Variants in MIGA1 observed in about 807,000 individuals in gnomAD.
MIGA1 encodes mitoguardin 1, also known as family with sequence similarity 73, member A.
A neutral mutation model predicts 82.0 loss-of-function variants in MIGA1; 58 were observed. That is an observed-to-expected ratio of 0.71 (90% CI 0.57 to 0.88). The LOEUF is 0.88. MIGA1 is among the 40% of genes least tolerant of loss of function. The probability of loss-of-function intolerance (pLI) is 0.00; values close to 1 mark genes in which losing one functional copy is unlikely to be tolerated. For synonymous variants in MIGA1, 249 were observed against 253.6 expected (o/e 0.98, Z 0.17); for missense variants, 751 against 749.1 (o/e 1.00, Z -0.03).
chr1:77,872,938 T>G, intron 14 of MIGA1, 66 bp from the exon 15 acceptor site: 1 of 1,593,672 alleles, frequency 6.3e-7, no homozygotes, highest in Non-Finnish European at 8.5e-7. Flanking sequence ...AACTTCAGTT[T>G]CTGTACTAGA....
In MIGA1 at chr1:77,859,041, A is replaced by G. The variant is rs772101344; in HGVS notation, c.1100A>G (p.Tyr367Cys). 1.3e-6 allele frequency: 2 copies of G among 1,597,124 alleles called. No individual in the cohort carries two copies. The highest frequency in any genetic ancestry group is 1.7e-6 in the Non-Finnish European group (2 of 1,164,540). The change falls in exon 9 of 16, where the codon TAC becomes TGC. Residue 367 changes from tyrosine (Y) to cysteine (C), a missense_variant. Around this residue, in one of 3 missense-constraint regions of MIGA1, gnomAD observed 482 missense variants for 439.4 expected, o/e 1.10. Coordinates refer to ENST00000370791, the MANE Select transcript of MIGA1 (RefSeq NM_198549.4). ...CATTTAGTTGAAGAAGGAAAAATTT[A>G]CTCCAGAGTACTGAGGTACCATTTC...
chr1:77,864,254 C>T (rs183315070), intron 13 of MIGA1, among the ~76,000 whole-genome samples: 1,572 of 151,742 alleles, frequency 0.01, 73 homozygotes, highest in Admixed American at 0.093. Context: ...CCTGTAATCC[C>T]AGCTACTCGG....
intron 7 of MIGA1, among the ~76,000 whole-genome samples, chr1:77,826,631 A>G (rs1479911845): frequency 6.6e-6 from 1 of 152,076 alleles, no homozygotes; most frequent in Non-Finnish European, 1.5e-5. Context: ...GTGAACTACC[A>G]TGACTAGCTA....
At position 77,875,121 on chromosome 1, in the gene MIGA1, G is replaced by T; in HGVS notation, c.*57G>T. On this transcript the variant is annotated 3_prime_UTR_variant, in exon 16 of 16. Coordinates refer to ENST00000370791, the MANE Select transcript of MIGA1 (RefSeq NM_198549.4). ...TATGAAATATTTTAAGGTAACTATTGATTTTGTAACATATATTACAAAGTT... is the reference window on the plus strand; with the variant it reads ...TATGAAATATTTTAAGGTAACTATTTATTTTGTAACATATATTACAAAGTT... 5 of 1,368,812 alleles carry T rather than the reference G, an allele frequency of 3.7e-6. No individual in the cohort carries two copies. The South Asian group carries it at 6.2e-5, about 17-fold the overall frequency. The allele number at this position is 1,368,812 out of a possible 1,614,324, so 84.8% of individuals were successfully genotyped here. A position where few individuals can be genotyped will look rare whatever the true frequency, so the allele number is the denominator to read the frequency against.
intron 1 of MIGA1, among the ~76,000 whole-genome samples, chr1:77,782,474 A>C (rs538611833): frequency 6.6e-6 from 1 of 152,280 alleles, no homozygotes; most frequent in East Asian, 1.9e-4. Flanking sequence ...TAAACTTGTA[A>C]AGTGATTTAT....
At chr1:77,872,790 T>C (rs76352156) in intron 14 of MIGA1, among the ~76,000 whole-genome samples, 5,127 of 152,316 alleles carry the variant, frequency 0.034, 136 homozygotes, top group Non-Finnish European at 0.051. Flanking sequence ...CCCTGCACTA[T>C]AGTGCCTGCC....
chr1:77,813,876 G>T lies in MIGA1; in HGVS notation c.771+9G>T. ...CTGAAGAAAATGTAGATGTAAGGGT[G>T]ATTGATTTGAGTGGTCTTCATAATA... On this transcript the variant is annotated intron_variant, in intron 6 of 15. Coordinates refer to ENST00000370791, the MANE Select transcript of MIGA1 (RefSeq NM_198549.4). The T allele has an allele frequency of 1.2e-6, 2 of 1,612,420 alleles. No individual in the cohort carries two copies. Among genetic ancestry groups the T allele is most frequent in the East Asian group, 4.5e-5 (2 of 44,864 alleles).
chr1:77,790,327 C>T lies in MIGA1; in HGVS notation c.195+6976C>T, dbSNP rs184914182. On this transcript the variant is annotated intron_variant, in intron 2 of 15. Transcript: ENST00000370791. ...TGTCCTCCAGGCTGGAGCACAGTGA[C>T]GCAGTCTCAGCTCACTGCAAGCTCC... Among the ~76,000 whole-genome samples the T allele has an allele frequency of 9.3e-4, 141 of 152,330 alleles. 2 individuals are homozygous for T. The highest frequency in any genetic ancestry group is 3.0e-3 in the African/African-American group (125 of 41,566).
chr1:77,846,135 C>T (rs1684831853), intron 8 of MIGA1, among the ~76,000 whole-genome samples: 1 of 152,124 alleles, frequency 6.6e-6, no homozygotes, highest in Non-Finnish European at 1.5e-5. Context: ...CAGTCACTCT[C>T]CAACTCCCTT....
intron 13 of MIGA1, among the ~76,000 whole-genome samples, chr1:77,865,794 CT>C (rs577015469): frequency 0.03 from 4,284 of 142,550 alleles, 51 homozygotes; most frequent in Middle Eastern, 0.069. Context: ...TATTATTTTA[CT>C]TTTTTTTTTT....
intron 11 of MIGA1, 133 bp downstream of exon 11, chr1:77,860,259 G>A: frequency 1.6e-6 from 1 of 607,732 alleles, no homozygotes; most frequent in South Asian, 2.1e-5. Flanking sequence ...ATTAAGTTAT[G>A]CTCGGGTTGA....
chr1:77,836,589 T>C (rs1198621309), intron 7 of MIGA1, among the ~76,000 whole-genome samples: 1 of 152,224 alleles, frequency 6.6e-6, no homozygotes, highest in African/African-American at 2.4e-5. Flanking sequence ...ATGGACCAAG[T>C]ACTGTGCCTC....
At chr1:77,847,377 A>T in intron 8 of MIGA1, 1 of 1,070,396 alleles carries the variant, frequency 9.3e-7, no homozygotes, top group Non-Finnish European at 1.5e-6. Context: ...GGAAAACAAT[A>T]CTAAATTGCT....
At chr1:77,825,084 G>T (rs1004976060) in intron 7 of MIGA1, among the ~76,000 whole-genome samples, 3 of 151,178 alleles carry the variant, frequency 2.0e-5, no homozygotes, top group Non-Finnish European at 4.4e-5. Flanking sequence ...CGCCTCCAGG[G>T]TTCAAGTGAT....
At chr1:77,799,460 A>T (rs1682787163) in intron 2 of MIGA1, among the ~76,000 whole-genome samples, 1 of 152,162 alleles carries the variant, frequency 6.6e-6, no homozygotes, top group Non-Finnish European at 1.5e-5. Flanking sequence ...TAAACTTAGG[A>T]TGGGTTTATT....
At chr1:77,852,060 T>C (rs993690687) in intron 8 of MIGA1, among the ~76,000 whole-genome samples, 4 of 151,974 alleles carry the variant, frequency 2.6e-5, no homozygotes, top group Non-Finnish European at 4.4e-5. Context: ...AATTTTTGTA[T>C]TTTTAGTAGA....
chr1:77,848,236 G>A, intron 8 of MIGA1: 4 of 1,412,928 alleles, frequency 2.8e-6, no homozygotes, highest in South Asian at 2.4e-5. Context: ...TAAGGGCGAG[G>A]GACCAAAGAG....
intron 1 of MIGA1, among the ~76,000 whole-genome samples, chr1:77,780,703 T>C (rs1340986927): frequency 6.6e-6 from 1 of 152,186 alleles, no homozygotes. Flanking sequence ...TCTATAAATT[T>C]GAATAATCAT....
At chr1:77,841,857 G>GGTGCA (rs1049936712) in intron 7 of MIGA1, among the ~76,000 whole-genome samples, 1 of 147,274 alleles carries the variant, frequency 6.8e-6, no homozygotes, top group Non-Finnish European at 1.5e-5. Context: ...GGAGTGCAGT[G>GGTGCA]GTGCAGTCAT....
Sources: allele counts gnomAD v4.1 joint callset (sites outside exome capture counted in the v4.1 genomes callset), GRCh38; gene constraint gnomAD v4.1.1; regional missense constraint gnomAD v4.1.1; transcripts MANE v1.5; gene names NCBI Gene and HGNC (gene_info 2026-07-23, HGNC 2026-07-21).